The following TARDBP variants were observed in gnomAD, a reference collection of about 807,000 sequenced individuals.
TARDBP encodes TAR DNA-binding protein 43.
TARDBP carries 4 observed loss-of-function variants against 38.3 expected under a neutral mutation model. The ratio of observed to expected loss-of-function variants is 0.10; its 90% CI spans 0.05 to 0.24. TARDBP has a LOEUF of 0.24. Ranked by LOEUF, TARDBP falls within the 10% of genes least tolerant of loss-of-function variation. The probability of loss-of-function intolerance (pLI) is 1.00; values close to 1 mark genes in which losing one functional copy is unlikely to be tolerated. For missense variants in TARDBP, 202 were observed against 521.9 expected, an observed-to-expected ratio of 0.39 and a Z score of 5.97; for synonymous variants, 184 against 183.8, an observed-to-expected ratio of 1.00 and a Z score of -0.01.
In TARDBP at chr1:11,016,959, G is replaced by A. The variant is rs1400201410; in HGVS notation, c.354G>A (p.Gln118=). The change falls in exon 3 of 6, where the codon CAG becomes CAA. Residue 118 remains glutamine, a synonymous_variant. Transcript: ENST00000240185. The part of the protein sequence containing the change: ...VLGLPWKTTE[Q]DLKEYFSTFG... ...GTCTCCCATGGAAAACAACCGAACA[G>A]GACCTGAAAGAGTATTTTAGTACCT... 1 of 1,614,224 alleles carries A rather than the reference G, an allele frequency of 6.2e-7. No homozygotes were observed.
At chr1:11,015,763 T>TGA (rs1318199150) in intron 2 of TARDBP, 1 of 47,626 alleles carries the variant, frequency 2.1e-5, no homozygotes, top group Non-Finnish European at 4.7e-5. Flanking sequence ...GTTTGTTTTT[T>TGA]GAGACAGTCT....
intron 2 of TARDBP, among the ~76,000 whole-genome samples, chr1:11,014,590 T>G (rs1404237921): frequency 2.6e-5 from 4 of 152,208 alleles, no homozygotes; most frequent in Non-Finnish European, 5.9e-5. Flanking sequence ...AACTTGGTAT[T>G]GCAACAAAGT....
At chr1:11,028,503 G>A (rs1480318883), downstream of TARDBP, among the ~76,000 whole-genome samples, 1 of 152,092 alleles carries the variant, frequency 6.6e-6, no homozygotes, top group Admixed American at 6.5e-5. Context: ...TGGTCTAGTT[G>A]ATTCTTCCAA....
chr1:11,030,260 A>T (rs755084670), downstream of TARDBP: 50 of 1,606,530 alleles, frequency 3.1e-5, no homozygotes, highest in Non-Finnish European at 4.0e-5. Context: ...CCTGCAAATC[A>T]TTGGAAAAGC....
chr1:11,019,406 C>G (rs1327752528), intron 4 of TARDBP, among the ~76,000 whole-genome samples: 1 of 152,156 alleles, frequency 6.6e-6, no homozygotes, highest in African/African-American at 2.4e-5. Flanking sequence ...TTACTGTACC[C>G]TTTCTATGTT....
At chr1:11,027,188 C>A (rs1350607798), downstream of TARDBP, 4 of 1,614,176 alleles carry the variant, frequency 2.5e-6, no homozygotes, top group Non-Finnish European at 3.4e-6. Flanking sequence ...TGTCGACATA[C>A]ATTAGATTTC....
intron 1 of TARDBP, 24 bp from the exon 2 acceptor site, chr1:11,013,692 C>G: frequency 6.5e-7 from 1 of 1,533,740 alleles, no homozygotes; most frequent in Non-Finnish European, 8.9e-7. Context: ...GAATGTTGTT[C>G]ATTCATATCT....
At chr1:11,017,205 T>C (rs1643542777) in intron 3 of TARDBP, among the ~76,000 whole-genome samples, 198 bp downstream of exon 3, 1 of 145,910 alleles carries the variant, frequency 6.9e-6, no homozygotes, top group African/African-American at 2.5e-5. Context: ...TACCTTTCTT[T>C]TTTTTTTTTT....
intron 5 of TARDBP, among the ~76,000 whole-genome samples, chr1:11,020,846 G>A (rs1266935941): frequency 6.6e-6 from 1 of 151,918 alleles, no homozygotes; most frequent in Admixed American, 6.6e-5. Context: ...CCCAGGAGGC[G>A]GAGGTGGCAG....
rs1643680634 is a variant in TARDBP, at chr1:11,023,585, G to A, written c.*931G>A. The A allele has an allele frequency of 2.6e-6, 1 of 385,214 alleles. No individual in the cohort carries two copies. Among genetic ancestry groups the A allele is most frequent in the Non-Finnish European group, 4.7e-6 (1 of 214,892 alleles). The allele number at this position is 385,214 out of a possible 1,614,324, so 23.9% of individuals were successfully genotyped here. On this transcript the variant is annotated 3_prime_UTR_variant, in exon 6 of 6. Transcript: ENST00000240185. ...TCAATCCTGTGGCTTTGGTGAGAGA[G>A]TGTGCAGAGAGCAATGATAGCAAAT...
At chr1:11,017,202 C>G (rs1002487715) in intron 3 of TARDBP, among the ~76,000 whole-genome samples, 195 bp downstream of exon 3, 1 of 105,884 alleles carries the variant, frequency 9.4e-6, no homozygotes. Flanking sequence ...TGTTACCTTT[C>G]TTTTTTTTTT....
intron 2 of TARDBP, chr1:11,015,394 G>A (rs969942897): frequency 6.6e-6 from 1 of 152,160 alleles, no homozygotes; most frequent in African/African-American, 2.4e-5. Flanking sequence ...GCTGAGGCAG[G>A]AGAATTGCTT....
chr1:11,024,173 T>C lies in TARDBP; in HGVS notation c.*1519T>C, dbSNP rs1039377573. ...GTTTATTTTGCTTCAAATAAACTTA[T>C]TTGAAAAGTTGTCTCAAGTCAAATG... is the stretch of plus-strand genomic sequence containing the variant. On this transcript the variant is annotated 3_prime_UTR_variant, in exon 6 of 6. Coordinates refer to ENST00000240185, the MANE Select transcript of TARDBP (RefSeq NM_007375.4). 5 of 152,650 alleles carry C rather than the reference T, an allele frequency of 3.3e-5. No individual in the cohort carries two copies. Among genetic ancestry groups the C allele is most frequent in the South Asian group, 2.1e-4 (1 of 4,836 alleles). The allele number at this position is 152,650 out of a possible 1,614,324, so 9.5% of individuals were successfully genotyped here.
chr1:11,020,314 T>C, intron 4 of TARDBP, 115 bp from the exon 5 acceptor site: 4 of 1,287,516 alleles, frequency 3.1e-6, no homozygotes, highest in Non-Finnish European at 4.4e-6. Context: ...ACGTCTACTT[T>C]TTAATGGTTC....
Position 11,022,291 on chromosome 1 carries a change from G to T in TARDBP, c.882G>T (p.Gly294=). ...AGGGTGGATTTGGTAATAGCAGAGG[G>T]GGTGGAGCTGGTTTGGGAAACAATC... ...GNQGGFGNSR[G]GGAGLGNNQG... Residue 294 remains glycine (G), a synonymous_variant, in exon 6 of 6, where the codon GGG becomes GGT. Coordinates refer to ENST00000240185, the MANE Select transcript of TARDBP (RefSeq NM_007375.4). The surrounding 1 kb of genome is among the most constrained non-coding windows in gnomAD (Gnocchi z 4.5). 1 of 1,613,986 alleles carries T rather than the reference G, an allele frequency of 6.2e-7. No individual in the cohort carries two copies.
At chr1:11,027,359 A>G, downstream of TARDBP, 1 of 1,614,214 alleles carries the variant, frequency 6.2e-7, no homozygotes, top group East Asian at 2.2e-5. Flanking sequence ...TGTCATTGTC[A>G]AAGCCAGCAT....
At chr1:11,015,807 G>A (rs930010636) in intron 2 of TARDBP, among the ~76,000 whole-genome samples, 13 of 151,460 alleles carry the variant, frequency 8.6e-5, no homozygotes, top group East Asian at 2.0e-4. Context: ...GCAGTGGCAC[G>A]ATCTTGGCTC....
At chr1:11,017,247 A>AG (rs1349842992) in intron 3 of TARDBP, among the ~76,000 whole-genome samples, 1 of 139,316 alleles carries the variant, frequency 7.2e-6, no homozygotes, top group African/African-American at 2.7e-5. Flanking sequence ...TTTGCTGCCC[A>AG]GGCTGGAGTG....
intron 4 of TARDBP, among the ~76,000 whole-genome samples, chr1:11,019,613 C>G (rs888844099): frequency 1.3e-5 from 2 of 152,082 alleles, no homozygotes; most frequent in Admixed American, 1.3e-4. Flanking sequence ...GTCATCCGGG[C>G]TGGAGTGCAG....
Sources: gnomAD v4.1 joint callset for allele counts (sites outside exome capture counted in the v4.1 genomes callset) on GRCh38, gnomAD v4.1.1 for gene constraint, Gnocchi (gnomAD v3.1) non-coding constraint, MANE v1.5 for transcripts, NCBI Gene and HGNC (gene_info 2026-07-23, HGNC 2026-07-21) for gene names.